The following RUNDC3B variants were observed in gnomAD, a reference collection of about 807,000 sequenced individuals.
RUNDC3B encodes RUN domain containing 3B, also known as RUN domain-containing protein 3B.
In RUNDC3B, 33 loss-of-function variants were observed where a neutral mutation model predicts 58.4. The observed-to-expected ratio is 0.56, with a 90% CI of 0.43 to 0.75. The LOEUF (loss-of-function observed/expected upper bound fraction) is 0.75, where lower values mean the gene tolerates loss of function less well. Ranked by LOEUF, RUNDC3B falls within the 30% of genes least tolerant of loss-of-function variation. The probability of loss-of-function intolerance (pLI) is 0.00; values close to 1 mark genes in which losing one functional copy is unlikely to be tolerated. For missense variants in RUNDC3B, 501 were observed against 535.7 expected (o/e 0.94, Z 0.64); for synonymous variants, 193 against 195.2 (o/e 0.99, Z 0.10).
intron 6 of RUNDC3B, among the ~76,000 whole-genome samples, chr7:87,747,681 G>A (rs549573881): frequency 6.6e-6 from 1 of 152,246 alleles, no homozygotes; most frequent in Admixed American, 6.5e-5. Context: ...GGATAGGAGT[G>A]AGATTCCCAG....
chr7:87,687,377 T>C (rs760663616), intron 2 of RUNDC3B, among the ~76,000 whole-genome samples: 1 of 152,170 alleles, frequency 6.6e-6, no homozygotes, highest in Non-Finnish European at 1.5e-5. Flanking sequence ...ACCCTTCCAC[T>C]ATATTTTAAA....
At chr7:87,805,031 T>C (rs542167786) in intron 8 of RUNDC3B, among the ~76,000 whole-genome samples, 3 of 152,122 alleles carry the variant, frequency 2.0e-5, no homozygotes, top group Non-Finnish European at 4.4e-5. Flanking sequence ...GAATTCATTA[T>C]AAAGAGATCA....
intron 4 of RUNDC3B, among the ~76,000 whole-genome samples, chr7:87,719,924 ATTC>A (rs1830768490): frequency 6.6e-6 from 1 of 151,184 alleles, no homozygotes; most frequent in Non-Finnish European, 1.5e-5. Context: ...TGTAGGTAAA[ATTC>A]TTCTAAGTCT....
At position 87,648,070 on chromosome 7, in the gene RUNDC3B, A is replaced by G. The variant is rs563693993; in HGVS notation, c.123-2752A>G. On this transcript the variant is annotated intron_variant, in intron 1 of 10. Transcript: ENST00000394654. The stretch of plus-strand genomic sequence containing the variant: ...CTTGGTGGTGGGCGCCTGTAGTCCC[A>G]GCTACTCAGGAGGCTGAGGCAGGAG... Among the ~76,000 whole-genome samples, 7 of 151,924 alleles carry G rather than the reference A, an allele frequency of 4.6e-5. No homozygotes were observed. The South Asian group carries it at 1.5e-3, about 32-fold the overall frequency.
chr7:87,814,282 T>G lies in RUNDC3B; in HGVS notation c.1104-1859T>G, dbSNP rs1403327493. On this transcript the variant is annotated intron_variant, in intron 9 of 10. Transcript: ENST00000394654. ...CGCCCAGCTAATTTTGTATTTTTAG[T>G]AGAGATGGGGTTTCTCCATGTTGGT... Among the ~76,000 whole-genome samples the G allele has an allele frequency of 3.9e-5, 6 of 152,020 alleles. No individual in the cohort carries two copies. The East Asian group carries it at 1.2e-3, about 30-fold the overall frequency.
intron 4 of RUNDC3B, among the ~76,000 whole-genome samples, chr7:87,719,992 A>G (rs1324104021): frequency 1.6e-5 from 1 of 61,806 alleles, no homozygotes; most frequent in African/African-American, 3.3e-5. Context: ...ACTACATCCA[A>G]AAAAAAAAAA....
intron 2 of RUNDC3B, among the ~76,000 whole-genome samples, chr7:87,686,155 T>A (rs972768076): frequency 6.6e-6 from 1 of 152,218 alleles, no homozygotes; most frequent in Admixed American, 6.5e-5. Flanking sequence ...ACCCACAATT[T>A]TTTTTCTTAC....
chr7:87,683,493 T>C lies in RUNDC3B; in HGVS notation c.239-16928T>C, dbSNP rs559171565. Among the ~76,000 whole-genome samples the C allele has an allele frequency of 2.9e-4, 44 of 152,278 alleles. 1 individual carries two copies. In the South Asian group the frequency reaches 9.1e-3, roughly 32 times the overall value. On this transcript the variant is annotated intron_variant, in intron 2 of 10. Transcript: ENST00000394654. ...CACTTAGAGGCCATTATAGGATTAT[T>C]AATTGGCCTAATTTCAGTATTGTTG... is the stretch of plus-strand genomic sequence containing the variant.
At chr7:87,709,228 T>G in intron 3 of RUNDC3B, 1 of 984,768 alleles carries the variant, frequency 1.0e-6, no homozygotes, top group Non-Finnish European at 1.2e-6. Flanking sequence ...ACATTTCTTA[T>G]CTAGTAACAG....
intron 4 of RUNDC3B, among the ~76,000 whole-genome samples, chr7:87,733,827 C>A (rs1381698657): frequency 6.6e-6 from 1 of 152,188 alleles, no homozygotes; most frequent in Admixed American, 6.5e-5. Context: ...CCACTCACCT[C>A]CTGCCCTGCA....
At chr7:87,790,033 T>C (rs1835437994) in intron 8 of RUNDC3B, among the ~76,000 whole-genome samples, 1 of 152,106 alleles carries the variant, frequency 6.6e-6, no homozygotes, top group African/African-American at 2.4e-5. Context: ...TGAGTGAACA[T>C]AGGTGGTAGT....
chr7:87,813,416 T>C (rs1836832021), intron 9 of RUNDC3B, among the ~76,000 whole-genome samples: 1 of 152,202 alleles, frequency 6.6e-6, no homozygotes, highest in African/African-American at 2.4e-5. Context: ...TTTTCAGTCC[T>C]TACAATATTC....
intron 4 of RUNDC3B, among the ~76,000 whole-genome samples, chr7:87,717,363 AAAAT>A (rs1830612149): frequency 6.6e-6 from 1 of 152,122 alleles, no homozygotes; most frequent in African/African-American, 2.4e-5. Flanking sequence ...AATAAAGCAA[AAAAT>A]AAACAATATT....
intron 2 of RUNDC3B, among the ~76,000 whole-genome samples, chr7:87,672,032 CT>C (rs1377163382): frequency 2.0e-5 from 3 of 152,136 alleles, no homozygotes; most frequent in Admixed American, 2.0e-4. Context: ...TTCTGGGAGT[CT>C]TTTCTGCCCC....
At chr7:87,631,414 G>A (rs1018353865) in intron 1 of RUNDC3B, among the ~76,000 whole-genome samples, 3 of 151,750 alleles carry the variant, frequency 2.0e-5, no homozygotes, top group Non-Finnish European at 2.9e-5. Flanking sequence ...TTTTTGAGAC[G>A]GAGTCTCGCT....
At chr7:87,763,155 G>C (rs914117412) in intron 6 of RUNDC3B, among the ~76,000 whole-genome samples, 2 of 151,500 alleles carry the variant, frequency 1.3e-5, no homozygotes, top group African/African-American at 4.8e-5. Flanking sequence ...AAAGTTGAAG[G>C]TTAATGTCTT....
chr7:87,693,591 C>T (rs1337495747), intron 2 of RUNDC3B, among the ~76,000 whole-genome samples: 2 of 152,086 alleles, frequency 1.3e-5, no homozygotes, highest in East Asian at 3.8e-4. Flanking sequence ...GTCTATTCTA[C>T]TCATCAGTTT....
chr7:87,689,101 G>C (rs1417606845), intron 2 of RUNDC3B, among the ~76,000 whole-genome samples: 1 of 151,970 alleles, frequency 6.6e-6, no homozygotes, highest in Non-Finnish European at 1.5e-5. Context: ...GGCTTCTGGG[G>C]AAGGGGGATT....
rs182673251 is a variant in RUNDC3B at position 87,787,707 on chromosome 7, A to G, written c.956+9752A>G. Among the ~76,000 whole-genome samples, 364 of 152,304 alleles carry G rather than the reference A, an allele frequency of 2.4e-3. 2 individuals carry two copies. Among genetic ancestry groups the G allele is most frequent in the African/African-American group, 8.2e-3 (341 of 41,564 alleles). ...TCTTCATCTATATAACAGAGATAAC[A>G]TACTCACTTTGTGAACCATTATGAG... On this transcript the variant is annotated intron_variant, in intron 8 of 10. Coordinates refer to ENST00000394654, the MANE Select transcript of RUNDC3B (RefSeq NM_001134405.2).
Sources: gnomAD v4.1 joint callset for allele counts (sites outside exome capture counted in the v4.1 genomes callset) on GRCh38, gnomAD v4.1.1 for gene constraint, MANE v1.5 for transcripts, NCBI Gene and HGNC (gene_info 2026-07-23, HGNC 2026-07-21) for gene names.